Variants in ARHGAP42 observed in about 807,000 individuals in gnomAD.
ARHGAP42 encodes rho GTPase-activating protein 42.
ARHGAP42 carries 63 observed loss-of-function variants against 125.0 expected under a neutral mutation model. That is an observed-to-expected ratio of 0.50 (90% CI 0.41 to 0.62). The LOEUF (loss-of-function observed/expected upper bound fraction) is 0.62, where lower values mean the gene tolerates loss of function less well. Ranked by LOEUF, ARHGAP42 falls within the 20% of genes least tolerant of loss-of-function variation. ARHGAP42 has a pLI of 0.00. For missense variants in ARHGAP42, 766 were observed against 1,024.2 expected, an observed-to-expected ratio of 0.75 and a Z score of 3.44; for synonymous variants, 339 against 351.0, an observed-to-expected ratio of 0.97 and a Z score of 0.38.
At chr11:100,813,145 G>A (rs12419467) in intron 3 of ARHGAP42, among the ~76,000 whole-genome samples, 74,680 of 151,854 alleles carry the variant, frequency 0.49, 19,358 homozygotes, top group South Asian at 0.63. Flanking sequence ...AAGGGAGGCG[G>A]CAATGATGTG....
At position 100,990,101 on chromosome 11, in the gene ARHGAP42, A is replaced by G. The variant is rs1051524843; in HGVS notation, c.*1300A>G. The G allele has an allele frequency of 6.6e-6, 1 of 152,106 alleles. No homozygotes were observed. Among genetic ancestry groups the G allele is most frequent in the African/African-American group, 2.4e-5 (1 of 41,426 alleles). 9.4% of individuals were successfully genotyped at this position (152,106 alleles called of 1,614,324 possible). On this transcript the variant is annotated 3_prime_UTR_variant, in exon 24 of 24. Transcript: ENST00000298815. ...GTCATGCACGAACCATTAATTCTAT[A>G]TTTCTATTTCAATAATTCTAATATA...
At chr11:100,986,125 T>G in intron 22 of ARHGAP42, 1 of 456,526 alleles carries the variant, frequency 2.2e-6, no homozygotes, top group Non-Finnish European at 4.4e-6. Flanking sequence ...TCGTGGAGAT[T>G]TTATTGTGTC....
rs5794075 is a variant in ARHGAP42 at position 100,878,982 on chromosome 11, AT to A, written c.384+19369del. ...TAGGCAAGGAAAGGAGACATGAACA[AT>A]TTTTTTTTTTTCAAGGAAAGAAGAC... is the stretch of plus-strand genomic sequence containing the variant. On this transcript the variant is annotated intron_variant, in intron 4 of 23. Transcript: ENST00000298815. Among the ~76,000 whole-genome samples the A allele has an allele frequency of 1.9e-3, 276 of 147,696 alleles. 1 individual carries two copies. The highest frequency in any genetic ancestry group is 6.0e-3 in the African/African-American group (240 of 40,236).
chr11:100,946,264 T>C (rs1029794211), intron 10 of ARHGAP42, among the ~76,000 whole-genome samples: 2 of 152,114 alleles, frequency 1.3e-5, no homozygotes, highest in African/African-American at 4.8e-5. Flanking sequence ...TATGGCTGGT[T>C]TGATCTTCTA....
intron 4 of ARHGAP42, among the ~76,000 whole-genome samples, chr11:100,879,006 G>C (rs1865890964): frequency 1.3e-5 from 2 of 149,564 alleles, no homozygotes; most frequent in Non-Finnish European, 1.5e-5. Flanking sequence ...AAGGAAAGAA[G>C]ACATGAACAA....
At chr11:100,842,342 T>TC (rs1268122689) in intron 3 of ARHGAP42, among the ~76,000 whole-genome samples, 9 of 152,200 alleles carry the variant, frequency 5.9e-5, no homozygotes, top group Admixed American at 5.9e-4. Context: ...GAGAACCTAT[T>TC]CAAGTTTTGC....
chr11:100,969,040 A>T (rs549932959), intron 17 of ARHGAP42, among the ~76,000 whole-genome samples: 1 of 152,312 alleles, frequency 6.6e-6, no homozygotes, highest in South Asian at 2.1e-4. Flanking sequence ...ATTGTGATGC[A>T]GATCTGCTAG....
At chr11:100,827,712 G>A (rs139564482) in intron 3 of ARHGAP42, among the ~76,000 whole-genome samples, 74 of 152,336 alleles carry the variant, frequency 4.9e-4, no homozygotes, top group African/African-American at 1.7e-3. Flanking sequence ...TACTAAGGAA[G>A]TAAGTCTCAA....
At chr11:100,692,100 A>T (rs1861201627) in intron 1 of ARHGAP42, among the ~76,000 whole-genome samples, 1 of 152,246 alleles carries the variant, frequency 6.6e-6, no homozygotes, top group South Asian at 2.1e-4. Context: ...CCTAGCCTGC[A>T]GCATCTTGGC....
chr11:100,860,629 C>A (rs1331571924), intron 4 of ARHGAP42, among the ~76,000 whole-genome samples: 13 of 152,058 alleles, frequency 8.5e-5, no homozygotes, highest in Admixed American at 8.5e-4. Context: ...TTACCCTTTA[C>A]TTTTTGAAGT....
At chr11:100,932,114 C>T (rs1867596278) in intron 6 of ARHGAP42, among the ~76,000 whole-genome samples, 1 of 152,064 alleles carries the variant, frequency 6.6e-6, no homozygotes, top group African/African-American at 2.4e-5. Flanking sequence ...AGCATGAGGT[C>T]ATTGTTTTCA....
At chr11:100,696,341 T>A (rs190502377) in intron 1 of ARHGAP42, among the ~76,000 whole-genome samples, 16 of 152,300 alleles carry the variant, frequency 1.1e-4, no homozygotes, top group South Asian at 8.3e-4. Flanking sequence ...CTATTTTTTT[T>A]ATTTTTTATT....
At position 100,989,315 on chromosome 11, in the gene ARHGAP42, GTCTT is replaced by G. The variant is rs1858769943; in HGVS notation, c.*516_*519del. On this transcript the variant is annotated 3_prime_UTR_variant, in exon 24 of 24. Transcript: ENST00000298815. ...GGTCCTAAACATTTCAAGGATGTAA[GTCTT>G]TGTTTTAATATAACTTTATTTGTTT... is the stretch of plus-strand genomic sequence containing the variant. 1 of 391,966 alleles carries G rather than the reference GTCTT, an allele frequency of 2.6e-6. No individual in the cohort carries two copies. The highest frequency in any genetic ancestry group is 4.5e-6 in the Non-Finnish European group (1 of 222,560). The allele number at this position is 391,966 out of a possible 1,614,324, so 24.3% of individuals were successfully genotyped here. A position where few individuals can be genotyped will look rare whatever the true frequency, so the allele number is the denominator to read the frequency against.
intron 4 of ARHGAP42, among the ~76,000 whole-genome samples, chr11:100,878,137 TC>T (rs1223376611): frequency 3.9e-5 from 6 of 152,056 alleles, no homozygotes; most frequent in African/African-American, 1.4e-4. Context: ...TTTCTTTTTT[TC>T]TTTTTTTGAG....
chr11:100,992,530 T>A lies in ARHGAP42; in HGVS notation c.*3729T>A, dbSNP rs766787801. 2.5e-6 allele frequency: 4 copies of A among 1,614,020 alleles called. No individual in the cohort carries two copies. In the African/African-American group the frequency reaches 5.3e-5, roughly 22 times the overall value. On this transcript the variant is annotated 3_prime_UTR_variant, in exon 24 of 24. Coordinates refer to ENST00000298815, the MANE Select transcript of ARHGAP42 (RefSeq NM_152432.4). Reference sequence around the variant, plus strand: ...AAGATAGTTTTCTGAACATTCTGTGTCCTGCCTGTCTCCTGTTGATTCGCA... The same window carrying A: ...AAGATAGTTTTCTGAACATTCTGTGACCTGCCTGTCTCCTGTTGATTCGCA...
chr11:100,978,249 T>A (rs1337840535), intron 21 of ARHGAP42, among the ~76,000 whole-genome samples: 1 of 152,210 alleles, frequency 6.6e-6, no homozygotes, highest in Non-Finnish European at 1.5e-5. Flanking sequence ...TGTAAAATGA[T>A]CTTTGAGATA....
chr11:100,946,076 C>T (rs1463800225), intron 10 of ARHGAP42, among the ~76,000 whole-genome samples: 1 of 152,124 alleles, frequency 6.6e-6, no homozygotes, highest in Admixed American at 6.6e-5. Flanking sequence ...TACATCAACT[C>T]TTACTGCTTC....
chr11:100,748,347 A>G (rs1026276851), intron 1 of ARHGAP42, among the ~76,000 whole-genome samples: 1 of 152,166 alleles, frequency 6.6e-6, no homozygotes, highest in African/African-American at 2.4e-5. Flanking sequence ...CACTCTCTGA[A>G]TACCCATTGT....
chr11:100,956,884 A>G (rs1425383756), intron 12 of ARHGAP42, among the ~76,000 whole-genome samples: 1 of 152,116 alleles, frequency 6.6e-6, no homozygotes, highest in Admixed American at 6.6e-5. Flanking sequence ...GCCTGTTCAA[A>G]AAACAACACT....
Sources: allele counts gnomAD v4.1 joint callset (sites outside exome capture counted in the v4.1 genomes callset), GRCh38; gene constraint gnomAD v4.1.1; transcripts MANE v1.5; gene names NCBI Gene and HGNC (gene_info 2026-07-23, HGNC 2026-07-21).